SAMD12: variants seen among roughly 807,000 people sequenced by gnomAD.
SAMD12 encodes sterile alpha motif domain-containing protein 12.
SAMD12 carries 9 observed loss-of-function variants against 15.0 expected under a neutral mutation model. That is an observed-to-expected ratio of 0.60 (90% CI 0.36 to 1.05). The LOEUF is 1.05. SAMD12 is among the 50% of genes least tolerant of loss of function. The pLI is 0.01. For missense variants in SAMD12, 230 were observed against 234.2 expected, an observed-to-expected ratio of 0.98 and a Z score of 0.12; for synonymous variants, 86 against 90.1, an observed-to-expected ratio of 0.96 and a Z score of 0.25.
At chr8:118,159,142 G>A in the SAMD12 span, among the ~76,000 whole-genome samples, 1 of 152,040 alleles carries the variant, frequency 6.6e-6, no homozygotes, top group East Asian at 1.9e-4. Flanking sequence ...GAAGAACTGT[G>A]GCCCTTCAGG....
chr8:118,344,675 T>C (rs1342206353), intron 4 of SAMD12, among the ~76,000 whole-genome samples: 1 of 152,214 alleles, frequency 6.6e-6, no homozygotes, highest in South Asian at 2.1e-4. Flanking sequence ...CACCATGTCA[T>C]AGCTCGACTA....
At chr8:118,480,696 G>A (rs1176576148) in intron 2 of SAMD12, among the ~76,000 whole-genome samples, 2 of 152,134 alleles carry the variant, frequency 1.3e-5, no homozygotes, top group Non-Finnish European at 2.9e-5. Flanking sequence ...ATCAGAAACT[G>A]CAGCCCTTCA....
chr8:118,167,182 C>T, the SAMD12 span, among the ~76,000 whole-genome samples: 7 of 151,942 alleles, frequency 4.6e-5, no homozygotes, highest in South Asian at 2.1e-4. Flanking sequence ...CTTACTCCCC[C>T]CAGCCCCCCG....
chr8:118,176,735 G>T, the SAMD12 span, among the ~76,000 whole-genome samples: 1 of 151,874 alleles, frequency 6.6e-6, no homozygotes, highest in Non-Finnish European at 1.5e-5. Context: ...CAAAATTACT[G>T]GTACACCAAA....
At chr8:118,321,777 C>G (rs1816296968) in intron 4 of SAMD12, among the ~76,000 whole-genome samples, 1 of 152,130 alleles carries the variant, frequency 6.6e-6, no homozygotes, top group South Asian at 2.1e-4. Context: ...TGACATTAGG[C>G]AAGCTATTTA....
intron 2 of SAMD12, among the ~76,000 whole-genome samples, chr8:118,473,112 C>T (rs1032119180): frequency 6.6e-6 from 1 of 152,124 alleles, no homozygotes; most frequent in African/African-American, 2.4e-5. Context: ...AGGTATGTCG[C>T]TCCCTGCCTG....
intron 4 of SAMD12, among the ~76,000 whole-genome samples, chr8:118,279,970 C>T (rs1813573382): frequency 6.6e-6 from 1 of 152,162 alleles, no homozygotes; most frequent in Non-Finnish European, 1.5e-5. Context: ...TCTTGGTCTG[C>T]AAATGATTCC....
chr8:118,471,024 G>T (rs1177500464), intron 2 of SAMD12, among the ~76,000 whole-genome samples: 1 of 152,168 alleles, frequency 6.6e-6, no homozygotes, highest in African/African-American at 2.4e-5. Context: ...AAAAATCTGT[G>T]AAATACAGTA....
chr8:118,519,801 C>T (rs911236068), intron 2 of SAMD12, among the ~76,000 whole-genome samples: 1 of 152,126 alleles, frequency 6.6e-6, no homozygotes, highest in African/African-American at 2.4e-5. Flanking sequence ...AAAATTAGAA[C>T]TTGCTATTAC....
At chr8:118,418,805 T>G (rs764812505) in intron 3 of SAMD12, among the ~76,000 whole-genome samples, 1 of 152,208 alleles carries the variant, frequency 6.6e-6, no homozygotes, top group Non-Finnish European at 1.5e-5. Flanking sequence ...GAAATGTTTT[T>G]GCCACTATAG....
intron 4 of SAMD12, among the ~76,000 whole-genome samples, chr8:118,357,291 G>A (rs561163849): frequency 1.5e-3 from 234 of 152,272 alleles, no homozygotes; most frequent in South Asian, 6.9e-3. Flanking sequence ...AGGCTGGAGT[G>A]CAGTGGCACA....
intron 2 of SAMD12, among the ~76,000 whole-genome samples, chr8:118,514,864 C>T (rs924873903): frequency 2.0e-5 from 3 of 152,174 alleles, no homozygotes; most frequent in African/African-American, 7.2e-5. Flanking sequence ...ATTTGTGTCC[C>T]TGTCCAAATC....
chr8:118,158,089 A>C, the SAMD12 span, among the ~76,000 whole-genome samples: 1 of 152,196 alleles, frequency 6.6e-6, no homozygotes, highest in Non-Finnish European at 1.5e-5. Context: ...TGCAGGACAG[A>C]ATATAAGAGA....
chr8:118,529,089 T>A (rs7831640), intron 2 of SAMD12, among the ~76,000 whole-genome samples: 7,839 of 152,228 alleles, frequency 0.051, 644 homozygotes, highest in African/African-American at 0.17. Flanking sequence ...AGACAACCAC[T>A]ACACAGTTCA....
At chr8:118,495,112 G>A (rs986181785) in intron 2 of SAMD12, among the ~76,000 whole-genome samples, 1 of 152,222 alleles carries the variant, frequency 6.6e-6, no homozygotes, top group African/African-American at 2.4e-5. Flanking sequence ...GGAAAGGTTA[G>A]TTGCCATCAC....
At chr8:118,321,465 T>G (rs1816280184) in intron 4 of SAMD12, among the ~76,000 whole-genome samples, 1 of 151,614 alleles carries the variant, frequency 6.6e-6, no homozygotes, top group Non-Finnish European at 1.5e-5. Context: ...AATACAAAAA[T>G]TAGCGGGACG....
chr8:118,481,442 TAGGAAGAAGGAAAAG>T (rs1824124684), intron 2 of SAMD12, among the ~76,000 whole-genome samples: 1 of 151,730 alleles, frequency 6.6e-6, no homozygotes, highest in Non-Finnish European at 1.5e-5. Context: ...GCTAAACTGG[TAGGAAGAAGGAAAAG>T]AGGGAGGAAG....
intron 4 of SAMD12, among the ~76,000 whole-genome samples, chr8:118,281,127 C>T (rs138676909): frequency 2.0e-5 from 3 of 152,226 alleles, no homozygotes; most frequent in African/African-American, 7.2e-5. Flanking sequence ...GAAACCGAGA[C>T]ACATTTTCCT....
intron 3 of SAMD12, among the ~76,000 whole-genome samples, chr8:118,390,459 A>G (rs1820214206): frequency 6.6e-6 from 1 of 152,174 alleles, no homozygotes; most frequent in African/African-American, 2.4e-5. Context: ...TTCTAAATCA[A>G]TAGCCAACCA....
Sources: gnomAD v4.1 joint callset for allele counts (sites outside exome capture counted in the v4.1 genomes callset) on GRCh38, gnomAD v4.1.1 for gene constraint, MANE v1.5 for transcripts, NCBI Gene and HGNC (gene_info 2026-07-23, HGNC 2026-07-21) for gene names.